Variants in MYO1D observed in about 807,000 individuals in gnomAD.
MYO1D encodes unconventional myosin-Id.
In MYO1D, 83 loss-of-function variants were observed where a neutral mutation model predicts 122.0. That is an observed-to-expected ratio of 0.68 (90% CI 0.57 to 0.82). MYO1D has a LOEUF of 0.82. MYO1D is among the 40% of genes least tolerant of loss of function. The probability of loss-of-function intolerance (pLI) is 0.00; values close to 1 mark genes in which losing one functional copy is unlikely to be tolerated. For missense variants in MYO1D, 1,157 were observed against 1,269.5 expected, an observed-to-expected ratio of 0.91 and a Z score of 1.35; for synonymous variants, 464 against 446.9, an observed-to-expected ratio of 1.04 and a Z score of -0.48.
chr17:32,690,387 C>A (rs1423474365), intron 16 of MYO1D, among the ~76,000 whole-genome samples: 1 of 152,096 alleles, frequency 6.6e-6, no homozygotes, highest in Non-Finnish European at 1.5e-5. Context: ...GTTGCCCAGG[C>A]TGGTCGCGAA....
intron 1 of MYO1D, among the ~76,000 whole-genome samples, chr17:32,832,657 G>A (rs369050437): frequency 5.3e-5 from 8 of 152,026 alleles, no homozygotes; most frequent in African/African-American, 1.9e-4. Flanking sequence ...ACACATGAAT[G>A]AGAAGAGCAA....
chr17:32,504,847 C>T (rs1161550435), intron 21 of MYO1D: 1 of 152,284 alleles, frequency 6.6e-6, no homozygotes, highest in Non-Finnish European at 1.5e-5. Context: ...AAGTGCTTCC[C>T]TCCTCCCATC....
chr17:32,693,101 C>T (rs1334009535), intron 16 of MYO1D, among the ~76,000 whole-genome samples: 1 of 152,138 alleles, frequency 6.6e-6, no homozygotes, highest in East Asian at 1.9e-4. Context: ...GTTGGGATAG[C>T]AATTCTCATT....
intron 15 of MYO1D, among the ~76,000 whole-genome samples, chr17:32,718,757 T>C (rs768755649): frequency 1.3e-5 from 2 of 152,136 alleles, no homozygotes; most frequent in Non-Finnish European, 2.9e-5. Context: ...TCTTCTGGTT[T>C]TTCTTCTACC....
intron 1 of MYO1D, among the ~76,000 whole-genome samples, chr17:32,816,969 T>C (rs960234305): frequency 6.6e-6 from 1 of 152,260 alleles, no homozygotes; most frequent in South Asian, 2.1e-4. Context: ...AAGTTTTTGG[T>C]GAGGAAAAAT....
intron 1 of MYO1D, among the ~76,000 whole-genome samples, chr17:32,850,183 G>A (rs1185650572): frequency 1.3e-5 from 2 of 152,140 alleles, no homozygotes; most frequent in Non-Finnish European, 2.9e-5. Context: ...AATAGCTACT[G>A]TTCTTGAGAT....
chr17:32,732,174 T>C (rs989830715), intron 14 of MYO1D, among the ~76,000 whole-genome samples: 1 of 152,288 alleles, frequency 6.6e-6, no homozygotes, highest in South Asian at 2.1e-4. Flanking sequence ...GAGGCACCCC[T>C]TGGCACGAAC....
intron 21 of MYO1D, among the ~76,000 whole-genome samples, chr17:32,509,421 G>T (rs1484023573): frequency 6.6e-6 from 1 of 152,186 alleles, no homozygotes; most frequent in African/African-American, 2.4e-5. Flanking sequence ...GGACTGATGG[G>T]CTTTGGAAGC....
intron 20 of MYO1D, among the ~76,000 whole-genome samples, chr17:32,632,036 C>A (rs1004766999): frequency 1.3e-5 from 2 of 152,188 alleles, no homozygotes; most frequent in African/African-American, 4.8e-5. Context: ...TTATTCCCTT[C>A]CTTCCTTGCT....
intron 1 of MYO1D, among the ~76,000 whole-genome samples, chr17:32,872,625 T>A (rs1182041267): frequency 6.6e-6 from 1 of 150,534 alleles, no homozygotes; most frequent in Non-Finnish European, 1.5e-5. Context: ...TTCTCAGATA[T>A]CCTAACTCGC....
At chr17:32,542,660 T>C (rs1019107012) in intron 21 of MYO1D, among the ~76,000 whole-genome samples, 7 of 150,084 alleles carry the variant, frequency 4.7e-5, no homozygotes, top group Admixed American at 1.3e-4. Flanking sequence ...AAGGAATGAC[T>C]AGTTGCTAAA....
intron 1 of MYO1D, among the ~76,000 whole-genome samples, chr17:32,793,271 T>C (rs2090375543): frequency 2.6e-5 from 4 of 151,690 alleles, no homozygotes; most frequent in African/African-American, 9.7e-5. Flanking sequence ...GACAATGCTA[T>C]GCAGTAAGCA....
At chr17:32,664,303 A>G (rs1452820898) in intron 16 of MYO1D, among the ~76,000 whole-genome samples, 3 of 152,182 alleles carry the variant, frequency 2.0e-5, no homozygotes, top group Admixed American at 6.5e-5. Context: ...AATTTAAGGT[A>G]TAAGACAGAT....
chr17:32,576,415 T>C (rs769520982), intron 21 of MYO1D, among the ~76,000 whole-genome samples: 5 of 152,158 alleles, frequency 3.3e-5, no homozygotes, highest in Non-Finnish European at 5.9e-5. Flanking sequence ...TAATCTCTTA[T>C]AAAAGGACGG....
intron 1 of MYO1D, among the ~76,000 whole-genome samples, chr17:32,840,721 G>A (rs1170048159): frequency 6.6e-6 from 1 of 152,088 alleles, no homozygotes; most frequent in Non-Finnish European, 1.5e-5. Flanking sequence ...CCAAAACAGA[G>A]AGAAAGATGA....
intron 1 of MYO1D, among the ~76,000 whole-genome samples, chr17:32,792,029 C>G (rs1182025658): frequency 1.3e-5 from 2 of 151,938 alleles, no homozygotes; most frequent in Non-Finnish European, 2.9e-5. Flanking sequence ...AGAGAAAAGC[C>G]GAGTTTTTTA....
intron 1 of MYO1D, among the ~76,000 whole-genome samples, chr17:32,876,325 G>A (rs2091229577): frequency 6.6e-6 from 1 of 152,174 alleles, no homozygotes; most frequent in South Asian, 2.1e-4. Context: ...GTGTAAAGCC[G>A]GGATGAGACG....
chr17:32,710,204 C>T (rs2150985504), intron 16 of MYO1D, among the ~76,000 whole-genome samples: 1 of 152,062 alleles, frequency 6.6e-6, no homozygotes, highest in Non-Finnish European at 1.5e-5. Context: ...TGCATTAGTG[C>T]AAAAACAGGC....
intron 21 of MYO1D, among the ~76,000 whole-genome samples, chr17:32,559,928 C>T (rs145050020): frequency 5.4e-4 from 82 of 152,314 alleles, no homozygotes; most frequent in African/African-American, 1.7e-3. Flanking sequence ...AATGCAGTGA[C>T]ACAGTAGTTA....
Sources: gnomAD v4.1 joint callset for allele counts (sites outside exome capture counted in the v4.1 genomes callset) on GRCh38, gnomAD v4.1.1 for gene constraint, MANE v1.5 for transcripts, NCBI Gene and HGNC (gene_info 2026-07-23, HGNC 2026-07-21) for gene names.